HES6: variants seen among roughly 807,000 people sequenced by gnomAD.
The protein encoded by HES6 is transcription cofactor HES-6.
Under a neutral mutation model 16.4 loss-of-function variants are expected in HES6, and 24 were observed. The ratio of observed to expected loss-of-function variants is 1.46; its 90% CI spans 1.06 to 2.06. HES6 has a LOEUF of 2.06. Among genes scored for constraint, HES6 ranks in the 30% most tolerant of loss-of-function variants. The pLI, the probability that HES6 is intolerant of heterozygous loss-of-function variation, is 0.00. For missense variants in HES6, 355 were observed against 317.6 expected, an observed-to-expected ratio of 1.12 and a Z score of -0.90; for synonymous variants, 159 against 144.3, an observed-to-expected ratio of 1.10 and a Z score of -0.73.
Position 238,239,880 on chromosome 2 carries a change from C to T in HES6, c.26G>A (p.Arg9Gln). 5 of 1,256,288 alleles carry T rather than the reference C, an allele frequency of 4.0e-6. No individual in the cohort carries two copies. Among genetic ancestry groups the T allele is most frequent in the Admixed American group, 3.5e-5 (1 of 28,172 alleles). 77.8% of individuals were successfully genotyped at this position (1,256,288 alleles called of 1,614,324 possible). MAPPAAPG[R>Q]DRVGREDEDG... ...CTCATCCTCACGGCCCACACGGTCC[C>T]GGCCAGGCGCCGCGGGTGGCGCCAT... is the stretch of plus-strand genomic sequence containing the variant. The change falls in exon 1 of 4, where the codon CGG (arginine) becomes CAG (glutamine). Residue 9 changes from arginine (R) to glutamine (Q), a missense_variant. Physicochemically the swap from Arg to Gln is conservative, Grantham distance 43 (BLOSUM62 1). Coordinates refer to ENST00000272937, the MANE Select transcript of HES6 (RefSeq NM_018645.6).
Position 238,238,714 on chromosome 2 carries a change from G to T in HES6, c.*113C>A. The stretch of plus-strand genomic sequence containing the variant: ...GCAAGCCATCCATCAGAGGAGGGAG[G>T]GAAGACCTGGGAGACTTCCAGGGCC... On this transcript the variant is annotated 3_prime_UTR_variant, in exon 4 of 4. Coordinates refer to ENST00000272937, the MANE Select transcript of HES6 (RefSeq NM_018645.6). 9.5e-7 allele frequency: 1 copy of T among 1,054,126 alleles called. No homozygotes were observed. Among genetic ancestry groups the T allele is most frequent in the Non-Finnish European group, 1.4e-6 (1 of 732,564 alleles). The allele number at this position is 1,054,126 out of a possible 1,614,324, so 65.3% of individuals were successfully genotyped here. A position where few individuals can be genotyped will look rare whatever the true frequency, so the allele number is the denominator to read the frequency against.
chr2:238,238,416 C>T lies in HES6; in HGVS notation c.*411G>A, dbSNP rs1266135954. On this transcript the variant is annotated 3_prime_UTR_variant, in exon 4 of 4. Coordinates refer to ENST00000272937, the MANE Select transcript of HES6 (RefSeq NM_018645.6). The stretch of plus-strand genomic sequence containing the variant: ...AGCTCAGTGCACCTGCCTCTCATCT[C>T]CCCGCTGAAGTGGCAAGTTCAAGCT... The T allele has an allele frequency of 7.8e-6, 2 of 255,672 alleles. No individual in the cohort carries two copies. The highest frequency in any genetic ancestry group is 4.7e-5 in the African/African-American group (2 of 42,876). 15.8% of individuals were successfully genotyped at this position (255,672 alleles called of 1,614,324 possible).
intron 2 of HES6, 23 bp from the exon 3 acceptor site, chr2:238,239,591 G>C (rs935564935): frequency 2.3e-4 from 270 of 1,197,480 alleles, no homozygotes; most frequent in Non-Finnish European, 2.7e-4. Flanking sequence ...GAAGGGCGGT[G>C]AGCCGGCAGC....
chr2:238,239,611 G>GGGGGGGGGGGCCCCCCCC, intron 2 of HES6, 43 bp from the exon 3 acceptor site: 1 of 1,135,694 alleles, frequency 8.8e-7, no homozygotes, highest in Non-Finnish European at 1.1e-6. Flanking sequence ...CGCGCTCCCG[G>GGGGGGGGGGGCCCCCCCC]ACCCGCCCGC....
rs754205738 is a variant in HES6, at chr2:238,239,053, G to A, written c.449C>T (p.Ala150Val). Residue 150 changes from alanine to valine, a missense_variant, in exon 4 of 4, where the codon GCG (alanine) becomes GTG (valine). Ala to Val is a moderately conservative substitution (Grantham distance 64). Transcript: ENST00000272937. ...SFQDLLGDAL[A>V]GPPRAPGRSG... ...CCGTCCAGGGGCTCTAGGTGGCCCC[G>A]CCAGGGCGTCCCCCAGCAGATCCTG... 48 of 1,612,002 alleles carry A rather than the reference G, an allele frequency of 3.0e-5. No individual in the cohort carries two copies. In the Admixed American group the frequency reaches 6.3e-4, roughly 21 times the overall value.
intron 3 of HES6, 91 bp from the exon 4 acceptor site, chr2:238,239,342 TCACCCAGGAGACGCGGGGGCG>T (rs1320504346): frequency 7.1e-6 from 10 of 1,403,208 alleles, no homozygotes; most frequent in Admixed American, 2.7e-5. Flanking sequence ...GGGACGCGGC[TCACCCAGGAGACGCGGGGGCG>T]CACCCTGCTC....
Position 238,239,009 on chromosome 2 carries a change from C to T in HES6, c.493G>A (p.Gly165Ser), listed in dbSNP as rs746875983. ...APGRSGWPAG[G>S]APGSPIPSPP... is the part of the protein sequence containing the mutation. ...CTGGGTATTGGGGATCCCGGAGCGC[C>T]CCCCGCAGGCCAGCCACTCCGTCCA... Residue 165 changes from glycine (G) to serine (S), a missense_variant, in exon 4 of 4, where the codon GGC becomes AGC. Coordinates refer to ENST00000272937, the MANE Select transcript of HES6 (RefSeq NM_018645.6). The T allele has an allele frequency of 6.2e-7, 1 of 1,607,916 alleles. No homozygotes were observed. Among genetic ancestry groups the T allele is most frequent in the Non-Finnish European group, 8.5e-7 (1 of 1,178,426 alleles).
At chr2:238,239,442 C>T (rs2106354706) in intron 3 of HES6, 45 bp downstream of exon 3, 2 of 1,271,356 alleles carry the variant, frequency 1.6e-6, no homozygotes, top group South Asian at 2.5e-5. Flanking sequence ...GCAGGGGTTA[C>T]AGGCGCCCGC....
At chr2:238,239,611 G>GGGGGGGGGGGCCC in intron 2 of HES6, 43 bp from the exon 3 acceptor site, 1 of 1,135,686 alleles carries the variant, frequency 8.8e-7, no homozygotes, top group Non-Finnish European at 1.1e-6. Flanking sequence ...CGCGCTCCCG[G>GGGGGGGGGGGCCC]ACCCGCCCGC....
rs1695209303 is a variant in HES6, at chr2:238,238,337, A to G, written c.*490T>C. The G allele has an allele frequency of 6.2e-6, 1 of 162,118 alleles. No individual in the cohort carries two copies. Among genetic ancestry groups the G allele is most frequent in the Non-Finnish European group, 1.3e-5 (1 of 75,266 alleles). The allele number at this position is 162,118 out of a possible 1,614,324, so 10.0% of individuals were successfully genotyped here. A position where few individuals can be genotyped will look rare whatever the true frequency, so the allele number is the denominator to read the frequency against. On this transcript the variant is annotated 3_prime_UTR_variant, in exon 4 of 4. Coordinates refer to ENST00000272937, the MANE Select transcript of HES6 (RefSeq NM_018645.6). ...ACATTTGATGTCAATGGAATACACA[A>G]ACTCAAGTGTGCTACAAACAAGATG... is the stretch of plus-strand genomic sequence containing the variant.
Position 238,239,683 on chromosome 2 carries a change from CG to C in HES6, c.145del (p.Arg49GlyfsTer21). 8.0e-7 allele frequency: 1 copy of C among 1,243,876 alleles called. No individual in the cohort carries two copies. 77.1% of individuals were successfully genotyped at this position (1,243,876 alleles called of 1,614,324 possible). A position where few individuals can be genotyped will look rare whatever the true frequency, so the allele number is the denominator to read the frequency against. On this transcript the variant is annotated frameshift_variant, in exon 2 of 4. Coordinates refer to ENST00000272937, the MANE Select transcript of HES6 (RefSeq NM_018645.6). LOFTEE classifies it high-confidence loss of function. ...CACCTCGGCGCCCGCCAGCAGCAGC[CG>C]CAGCTCCTGCAGGCTCTCGTTGATC... The part of the protein sequence containing the change: ...ARINESLQEL[R>X]LLLAGAEVQA...
At chr2:238,239,609 C>CGGGGGGGGG in intron 2 of HES6, 41 bp from the exon 3 acceptor site, 17 of 1,145,420 alleles carry the variant, frequency 1.5e-5, no homozygotes, top group Non-Finnish European at 1.8e-5. Flanking sequence ...AGCGCGCTCC[C>CGGGGGGGGG]GGACCCGCCC....
In HES6 at chr2:238,239,513, T is replaced by C. The variant is rs1351258284; in HGVS notation, c.224A>G (p.Gln75Arg). The change falls in exon 3 of 4, where the codon CAG (glutamine) becomes CGG (arginine). Residue 75 changes from glutamine to arginine, a missense_variant. By Grantham distance (43) the Gln-to-Arg change is conservative (BLOSUM62 1). Coordinates refer to ENST00000272937, the MANE Select transcript of HES6 (RefSeq NM_018645.6). ...GCGCGCCCGGCCCCGCAGCACACCCTGGACCCGCCGCACCGTCAGCTCCAG... is the reference window on the plus strand; with the variant it reads ...GCGCGCCCGGCCCCGCAGCACACCCCGGACCCGCCGCACCGTCAGCTCCAG... ...EVLELTVRRV[Q>R]GVLRGRARER... 1.5e-6 allele frequency: 2 copies of C among 1,317,372 alleles called. No individual in the cohort carries two copies. The highest frequency in any genetic ancestry group is 2.9e-4 in the Middle Eastern group (1 of 3,466). The allele number at this position is 1,317,372 out of a possible 1,614,324, so 81.6% of individuals were successfully genotyped here. A position where few individuals can be genotyped will look rare whatever the true frequency, so the allele number is the denominator to read the frequency against.
rs573089915 is a variant in HES6, at chr2:238,238,647, C to T, written c.*180G>A. 5 of 631,626 alleles carry T rather than the reference C, an allele frequency of 7.9e-6. No homozygotes were observed. Among genetic ancestry groups the T allele is most frequent in the African/African-American group, 1.9e-5 (1 of 53,810 alleles). The allele number at this position is 631,626 out of a possible 1,614,324, so 39.1% of individuals were successfully genotyped here. ...GGGTCCCTAAAAGTTTCTTAAGAAA[C>T]GGGGCTGGGGCCTGACTGGGCTGGT... On this transcript the variant is annotated 3_prime_UTR_variant, in exon 4 of 4. Transcript: ENST00000272937.
Position 238,239,044 on chromosome 2 carries a change from G to C in HES6, c.458C>G (p.Pro153Arg), listed in dbSNP as rs1014049141. 2.5e-6 allele frequency: 4 copies of C among 1,611,770 alleles called. No homozygotes were observed. The highest frequency in any genetic ancestry group is 8.5e-7 in the Non-Finnish European group (1 of 1,179,730). Residue 153 changes from proline (P) to arginine (R), a missense_variant, in exon 4 of 4, where the codon CCT becomes CGT. Pro to Arg is a moderately radical substitution (Grantham distance 103). Coordinates refer to ENST00000272937, the MANE Select transcript of HES6 (RefSeq NM_018645.6). ...CCAGCCACTCCGTCCAGGGGCTCTA[G>C]GTGGCCCCGCCAGGGCGTCCCCCAG... The part of the protein sequence containing the change: ...DLLGDALAGP[P>R]RAPGRSGWPA...
rs1695212934 is a variant in HES6, at chr2:238,238,504, C to T, written c.*323G>A. On this transcript the variant is annotated 3_prime_UTR_variant, in exon 4 of 4. Transcript: ENST00000272937. ...AGCACCATTTCTGCCACCTCTGCCC[C>T]CAGAGCCCGCACAGGGCTGGTGAAG... 2.6e-6 allele frequency: 1 copy of T among 378,454 alleles called. No homozygotes were observed. Among genetic ancestry groups the T allele is most frequent in the Non-Finnish European group, 4.8e-6 (1 of 207,320 alleles). The allele number at this position is 378,454 out of a possible 1,614,324, so 23.4% of individuals were successfully genotyped here.
chr2:238,238,945 T>G lies in HES6; in HGVS notation c.557A>C (p.Glu186Ala), dbSNP rs780767455. ...GPGDDLCSDL[E>A]EAPEAELSQA... ...ACTCAGTTCAGCCTCAGGGGCCTCC[T>G]CCAGGTCGGAGCACAGGTCGTCCCC... The change falls in exon 4 of 4, where the codon GAG (glutamate) becomes GCG (alanine). Residue 186 changes from glutamate to alanine, a missense_variant. By Grantham distance (107) the Glu-to-Ala change is moderately radical. Coordinates refer to ENST00000272937, the MANE Select transcript of HES6 (RefSeq NM_018645.6). 1 of 1,599,764 alleles carries G rather than the reference T, an allele frequency of 6.3e-7. No homozygotes were observed. Among genetic ancestry groups the G allele is most frequent in the South Asian group, 1.1e-5 (1 of 89,510 alleles).
intron 3 of HES6, 94 bp downstream of exon 3, chr2:238,239,393 C>T (rs1462831483): frequency 6.2e-6 from 8 of 1,295,780 alleles, no homozygotes; most frequent in Non-Finnish European, 8.0e-6. Context: ...CCCTCGCCGC[C>T]GACAGGACAG....
intron 2 of HES6, 43 bp from the exon 3 acceptor site, chr2:238,239,611 G>GGGGGCCC: frequency 7.0e-6 from 8 of 1,135,638 alleles, no homozygotes; most frequent in Non-Finnish European, 8.6e-6. Flanking sequence ...CGCGCTCCCG[G>GGGGGCCC]ACCCGCCCGC....
Sources: gnomAD v4.1 joint callset for allele counts on GRCh38, gnomAD v4.1.1 for gene constraint, MANE v1.5 for transcripts, NCBI Gene and HGNC (gene_info 2026-07-23, HGNC 2026-07-21) for gene names.